Variants in PLEKHA7 observed in about 807,000 individuals in gnomAD.
The protein encoded by PLEKHA7 is pleckstrin homology domain containing A7, also known as pleckstrin homology domain-containing family A member 7.
PLEKHA7 carries 104 observed loss-of-function variants against 170.0 expected under a neutral mutation model. That is an observed-to-expected ratio of 0.61 (90% CI 0.52 to 0.72). PLEKHA7 has a LOEUF of 0.72. Ranked by LOEUF, PLEKHA7 falls within the 30% of genes least tolerant of loss-of-function variation. The probability of loss-of-function intolerance (pLI) is 0.00; values close to 1 mark genes in which losing one functional copy is unlikely to be tolerated. For missense variants in PLEKHA7, 1,615 were observed against 1,671.7 expected (o/e 0.97, Z 0.59); for synonymous variants, 648 against 660.8 (o/e 0.98, Z 0.30).
At chr11:16,906,989 T>G (rs1380967818) in intron 3 of PLEKHA7, among the ~76,000 whole-genome samples, 1 of 145,342 alleles carries the variant, frequency 6.9e-6, no homozygotes, top group Middle Eastern at 3.7e-3. Context: ...GTCTGAGAAG[T>G]GAGGAGACCC....
rs1272451823 is a variant in PLEKHA7 at position 16,779,028 on chromosome 11, A to G, written c.3794-8T>C. On this transcript the variant is annotated splice_polypyrimidine_tract_variant and splice_region_variant and intron_variant, in intron 26 of 26. Transcript: ENST00000531066. Reference sequence around the variant, plus strand: ...GGTCAGTCACTGCCTGGGCTGGCAAAAAGCACAGGAGACAGTGAGAGGCTG... The same window carrying G: ...GGTCAGTCACTGCCTGGGCTGGCAAGAAGCACAGGAGACAGTGAGAGGCTG... The G allele has an allele frequency of 2.8e-6, 2 of 702,606 alleles. No individual in the cohort carries two copies. The highest frequency in any genetic ancestry group is 1.5e-5 in the South Asian group (1 of 67,608). The allele number at this position is 702,606 out of a possible 1,614,324, so 43.5% of individuals were successfully genotyped here.
chr11:16,994,554 C>T (rs947639357), intron 3 of PLEKHA7, among the ~76,000 whole-genome samples: 4 of 152,152 alleles, frequency 2.6e-5, no homozygotes, highest in Admixed American at 6.5e-5. Flanking sequence ...CAGCATATTC[C>T]ACCTTCCTCC....
intron 11 of PLEKHA7, among the ~76,000 whole-genome samples, 182 bp downstream of exon 11, chr11:16,816,618 T>C (rs1849775229): frequency 6.6e-6 from 1 of 152,086 alleles, no homozygotes; most frequent in Non-Finnish European, 1.5e-5. Context: ...CCTCACAGGG[T>C]TGTGGTGAGA....
At chr11:16,805,802 A>C (rs76627602) in intron 13 of PLEKHA7, among the ~76,000 whole-genome samples, 44,691 of 142,880 alleles carry the variant, frequency 0.31, 7,634 homozygotes, top group Middle Eastern at 0.42. Flanking sequence ...AAAAAAAAAA[A>C]AAAAACAAAA....
intron 3 of PLEKHA7, among the ~76,000 whole-genome samples, chr11:16,960,476 C>G (rs1279072399): frequency 1.3e-5 from 2 of 152,168 alleles, no homozygotes; most frequent in Admixed American, 1.3e-4. Context: ...CCACCCACCT[C>G]CACCGCCATG....
chr11:16,855,378 T>C (rs1267780756), intron 5 of PLEKHA7, among the ~76,000 whole-genome samples: 2 of 152,192 alleles, frequency 1.3e-5, no homozygotes, highest in South Asian at 2.1e-4. Flanking sequence ...AGCACTCTCC[T>C]CCTCTCCTCA....
At chr11:16,903,011 T>C (rs952593002) in intron 3 of PLEKHA7, among the ~76,000 whole-genome samples, 1 of 151,900 alleles carries the variant, frequency 6.6e-6, no homozygotes, top group Middle Eastern at 3.4e-3. Flanking sequence ...CTCAAAAGAG[T>C]TGAATTAAAA....
At chr11:16,790,501 C>T in intron 21 of PLEKHA7, 1 of 311,284 alleles carries the variant, frequency 3.2e-6, no homozygotes, top group Non-Finnish European at 6.0e-6. Flanking sequence ...CAGTACTTTC[C>T]TCATAGGATT....
intron 3 of PLEKHA7, among the ~76,000 whole-genome samples, chr11:16,879,109 C>A (rs1408935523): frequency 6.6e-6 from 1 of 152,184 alleles, no homozygotes; most frequent in African/African-American, 2.4e-5. Flanking sequence ...TCACCTGTAT[C>A]TCCTTTGCGT....
intron 3 of PLEKHA7, among the ~76,000 whole-genome samples, chr11:16,882,539 T>C (rs543957238): frequency 1.3e-5 from 2 of 152,370 alleles, no homozygotes; most frequent in East Asian, 3.9e-4. Flanking sequence ...TCACAAGCCA[T>C]GCTGGCATAT....
At chr11:16,787,678 T>A (rs1849490129) in intron 23 of PLEKHA7, 1 of 152,162 alleles carries the variant, frequency 6.6e-6, no homozygotes, top group African/African-American at 2.4e-5. Flanking sequence ...AAGCAACATG[T>A]TTATTGGCGT....
intron 3 of PLEKHA7, among the ~76,000 whole-genome samples, chr11:16,975,414 C>T (rs183660092): frequency 7.2e-5 from 11 of 152,206 alleles, no homozygotes; most frequent in East Asian, 3.9e-4. Flanking sequence ...ATAATGAAAT[C>T]GTATGCAGCC....
chr11:16,903,521 A>AT (rs1192414692), intron 3 of PLEKHA7, among the ~76,000 whole-genome samples: 2 of 152,040 alleles, frequency 1.3e-5, no homozygotes, highest in African/African-American at 4.8e-5. Flanking sequence ...AATATCTTTC[A>AT]TTTTTTTGTT....
In PLEKHA7 at chr11:16,854,927, T is replaced by G; in HGVS notation, c.484A>C (p.Asn162His). The change falls in exon 6 of 27, where the codon AAT (asparagine) becomes CAT (histidine). Residue 162 changes from asparagine (N) to histidine (H), a missense_variant. Asn to His is a moderately conservative substitution (Grantham distance 68). Transcript: ENST00000531066. ...CAGCCCCTCACCACCACGGGAACATTGGGGTTCCTCCGAATGGCCTGGTCT... is the reference window on the plus strand; with the variant it reads ...CAGCCCCTCACCACCACGGGAACATGGGGGTTCCTCCGAATGGCCTGGTCT... ...KRDQAIRRNPNVPVVVRGWLH... is the reference protein window; with the variant it reads ...KRDQAIRRNPHVPVVVRGWLH... 1 of 1,614,076 alleles carries G rather than the reference T, an allele frequency of 6.2e-7. No individual in the cohort carries two copies. Among genetic ancestry groups the G allele is most frequent in the Admixed American group, 1.7e-5 (1 of 60,024 alleles).
intron 3 of PLEKHA7, among the ~76,000 whole-genome samples, chr11:16,937,250 T>G (rs549796630): frequency 9.2e-5 from 14 of 152,366 alleles, no homozygotes; most frequent in African/African-American, 3.4e-4. Flanking sequence ...TGCTTTGGCC[T>G]TATTCATTTG....
chr11:16,780,885 C>T, intron 26 of PLEKHA7: 6 of 642,784 alleles, frequency 9.3e-6, no homozygotes, highest in Non-Finnish European at 1.2e-5. Context: ...AGGTGAGGGG[C>T]TCAGCGCTAG....
chr11:16,958,971 C>T (rs1345390307), intron 3 of PLEKHA7, among the ~76,000 whole-genome samples: 1 of 152,112 alleles, frequency 6.6e-6, no homozygotes, highest in Non-Finnish European at 1.5e-5. Flanking sequence ...AGAGCCCTAC[C>T]TAAGCCAGGA....
At chr11:16,874,067 G>C (rs1037523919) in intron 3 of PLEKHA7, among the ~76,000 whole-genome samples, 37 of 152,172 alleles carry the variant, frequency 2.4e-4, no homozygotes, top group African/African-American at 7.7e-4. Context: ...AAAAAGCCCT[G>C]CTCATAACGG....
chr11:16,779,004 G>C lies in PLEKHA7; in HGVS notation c.3810C>G (p.Asp1270Glu). Residue 1270 changes from aspartate (D) to glutamate (E), a missense_variant, in exon 27 of 27, where the codon GAC (aspartate) becomes GAG (glutamate). Transcript: ENST00000531066. ...GGCTTCTTTGCATGCTGGGTCACGG[G>C]TCAGTCACTGCCTGGGCTGGCAAAA... ...SKQVAAQAVT[D>E]P 1.4e-6 allele frequency: 1 copy of C among 702,628 alleles called. No homozygotes were observed. The allele number at this position is 702,628 out of a possible 1,614,324, so 43.5% of individuals were successfully genotyped here.
Sources: allele counts gnomAD v4.1 joint callset (sites outside exome capture counted in the v4.1 genomes callset), GRCh38; gene constraint gnomAD v4.1.1; transcripts MANE v1.5; gene names NCBI Gene and HGNC (gene_info 2026-07-23, HGNC 2026-07-21).